SATL1: variants seen among roughly 807,000 people sequenced by gnomAD.
The protein encoded by SATL1 is spermidine/spermine N1-acetyl transferase like 1.
A neutral mutation model predicts 51.8 loss-of-function variants in SATL1; 47 were observed. The observed-to-expected ratio is 0.91, with a 90% CI of 0.72 to 1.16. The LOEUF is 1.16. SATL1 is among the 50% of genes most tolerant of loss of function. SATL1 has a pLI of 0.00. For missense variants in SATL1, 520 were observed against 526.4 expected (o/e 0.99, Z 0.12); for synonymous variants, 176 against 182.4 (o/e 0.97, Z 0.28).
chrX:85,108,350 C>T lies in SATL1; in HGVS notation c.619G>A (p.Val207Ile). 1 of 1,210,694 alleles carries T rather than the reference C, an allele frequency of 8.3e-7. No homozygotes were observed. Among genetic ancestry groups the T allele is most frequent in the Non-Finnish European group, 1.1e-6 (1 of 895,270 alleles). The change falls in exon 3 of 8, where the codon GTC becomes ATC. Residue 207 changes from valine to isoleucine, a missense_variant. Around this residue, in one of 3 missense-constraint regions of SATL1, gnomAD observed 488 missense variants for 474.3 expected, o/e 1.03. Coordinates refer to ENST00000644105, the MANE Select transcript of SATL1 (RefSeq NM_001367857.2). Reference sequence around the variant, plus strand: ...TGACTCATGTCTGGGTGGCTTGGGACTTGCTGGCTGATGCCTGGTTGTTGC... The same window carrying T: ...TGACTCATGTCTGGGTGGCTTGGGATTTGCTGGCTGATGCCTGGTTGTTGC... ...GVQQPGISQQ[V>I]PSHPDMSQPG...
At chrX:85,121,291 G>C (rs1294929836) in intron 2 of SATL1, among the ~76,000 whole-genome samples, 1 of 103,304 alleles carries the variant, frequency 9.7e-6, no homozygotes, top group African/African-American at 3.5e-5. Context: ...TATTTAGAGA[G>C]AGAATAATAT....
At chrX:85,136,950 G>GTCTGTCGC (rs1400972748) in intron 2 of SATL1, among the ~76,000 whole-genome samples, 1 of 111,809 alleles carries the variant, frequency 8.9e-6, no homozygotes, top group Non-Finnish European at 1.9e-5. Context: ...CCCCATCTCT[G>GTCTGTCGC]TCTGTCGCTC....
Position 85,094,078 on chromosome X carries a change from A to C in SATL1, c.1876+50T>G, listed in dbSNP as rs1165008962. On this transcript the variant is annotated intron_variant, in intron 6 of 7. Transcript: ENST00000644105. ...AAGCCCTATCTCCTTAAAATATGTC[A>C]CTTTAATTTTTAAAGTATTTAAAAG... 3 of 670,656 alleles carry C rather than the reference A, an allele frequency of 4.5e-6. No homozygotes were observed. In the African/African-American group the frequency reaches 6.6e-5, roughly 15 times the overall value. The allele number at this position is 670,656 out of a possible 1,213,427, so 55.3% of individuals were successfully genotyped here. A position where few individuals can be genotyped will look rare whatever the true frequency, so the allele number is the denominator to read the frequency against.
At chrX:85,201,769 C>T (rs1245690664) in intron 2 of SATL1, among the ~76,000 whole-genome samples, 1 of 111,936 alleles carries the variant, frequency 8.9e-6, no homozygotes, top group Non-Finnish European at 1.9e-5. Flanking sequence ...CCTCCAGCTC[C>T]ATCCATGTTC....
chrX:85,193,731 A>C (rs1927491293), intron 2 of SATL1, among the ~76,000 whole-genome samples: 1 of 111,683 alleles, frequency 9.0e-6, no homozygotes, highest in South Asian at 3.7e-4. Context: ...TTCATAGGTT[A>C]TCATCATTTA....
intron 2 of SATL1, among the ~76,000 whole-genome samples, chrX:85,199,291 A>T (rs369597258): frequency 3.6e-5 from 4 of 111,017 alleles, no homozygotes; most frequent in African/African-American, 1.3e-4. Context: ...ATTTGCTAGC[A>T]AGGATGCGGA....
intron 2 of SATL1, among the ~76,000 whole-genome samples, chrX:85,152,759 T>C (rs898632501): frequency 2.6e-4 from 29 of 110,287 alleles, no homozygotes; most frequent in African/African-American, 7.9e-4. Context: ...TAGGTGGGAA[T>C]TGAACAATGA....
At chrX:85,209,182 C>T (rs1927854256) in intron 2 of SATL1, 1 of 111,863 alleles carries the variant, frequency 8.9e-6, no homozygotes, top group African/African-American at 3.3e-5. Flanking sequence ...TCAGGTTTGT[C>T]AAAGATCAGA....
chrX:85,181,290 C>T (rs1330939610), intron 2 of SATL1, among the ~76,000 whole-genome samples: 1 of 108,866 alleles, frequency 9.2e-6, no homozygotes, highest in Non-Finnish European at 1.9e-5. Context: ...ATACTGCTTT[C>T]CTCTCTTTCT....
intron 1 of SATL1, 92 bp from the exon 2 acceptor site, chrX:85,224,418 T>C (rs1427493466): frequency 1.8e-5 from 2 of 111,622 alleles, no homozygotes; most frequent in African/African-American, 6.5e-5. Flanking sequence ...AGCATGGACA[T>C]ATCTTTTTGA....
At chrX:85,178,101 T>C (rs1453305438) in intron 2 of SATL1, among the ~76,000 whole-genome samples, 2 of 111,719 alleles carry the variant, frequency 1.8e-5, no homozygotes, top group African/African-American at 3.2e-5. Flanking sequence ...AGGAGGTTTT[T>C]TGGCCATCCT....
At chrX:85,160,566 C>G (rs955872085) in intron 2 of SATL1, among the ~76,000 whole-genome samples, 5 of 109,658 alleles carry the variant, frequency 4.6e-5, no homozygotes, top group Admixed American at 9.8e-5. Context: ...CAGAATAGAC[C>G]AAGCTGAAGA....
intron 2 of SATL1, among the ~76,000 whole-genome samples, chrX:85,151,342 C>T (rs946181412): frequency 2.7e-5 from 3 of 111,500 alleles, no homozygotes; most frequent in Non-Finnish European, 5.6e-5. Flanking sequence ...GAAGAACATT[C>T]CATGCTCATG....
chrX:85,231,589 G>A (rs781197205), intron 1 of SATL1, among the ~76,000 whole-genome samples: 2 of 112,461 alleles, frequency 1.8e-5, no homozygotes, highest in Admixed American at 1.9e-4. Flanking sequence ...CCATGCCAGG[G>A]CAGTGGCAGA....
At chrX:85,181,813 A>G (rs1315241846) in intron 2 of SATL1, among the ~76,000 whole-genome samples, 2 of 111,787 alleles carry the variant, frequency 1.8e-5, no homozygotes, top group African/African-American at 3.2e-5. Context: ...TCAAATATCA[A>G]AATTGTAATA....
chrX:85,212,105 T>C (rs910800471), intron 2 of SATL1: 6 of 111,567 alleles, frequency 5.4e-5, no homozygotes, highest in Non-Finnish European at 9.4e-5. Context: ...TAAGTTACCT[T>C]AAAAGAGATG....
intron 2 of SATL1, among the ~76,000 whole-genome samples, chrX:85,149,106 A>C (rs905499695): frequency 5.4e-5 from 6 of 111,708 alleles, no homozygotes; most frequent in Non-Finnish European, 1.1e-4. Context: ...GCTCAAAATA[A>C]AAGGATGGAG....
intron 2 of SATL1, among the ~76,000 whole-genome samples, chrX:85,154,976 A>T (rs1346876427): frequency 9.0e-6 from 1 of 111,514 alleles, no homozygotes; most frequent in Non-Finnish European, 1.9e-5. Context: ...TAAAATTGGA[A>T]GAATGGGCTT....
chrX:85,123,131 A>G (rs1925543455), intron 2 of SATL1, among the ~76,000 whole-genome samples: 1 of 111,513 alleles, frequency 9.0e-6, no homozygotes, highest in East Asian at 2.8e-4. Flanking sequence ...ATGTGTGCAC[A>G]TGTCTTTATA....
Sources: gnomAD v4.1 joint callset for allele counts (sites outside exome capture counted in the v4.1 genomes callset) on GRCh38, gnomAD v4.1.1 for gene constraint, gnomAD v4.1.1 regional missense constraint, MANE v1.5 for transcripts, NCBI Gene and HGNC (gene_info 2026-07-23, HGNC 2026-07-21) for gene names.